Variants in CDH13 observed in about 807,000 individuals in gnomAD.
CDH13 encodes the protein cadherin 13.
CDH13 carries 24 observed loss-of-function variants against 63.8 expected under a neutral mutation model. The observed-to-expected ratio is 0.38, with a 90% CI of 0.27 to 0.53. The LOEUF (loss-of-function observed/expected upper bound fraction) is 0.53. Among genes scored for constraint, CDH13 ranks in the 20% least tolerant of loss-of-function variants. The pLI is 0.85. For synonymous variants in CDH13, 503 were observed against 355.3 expected (o/e 1.42, Z -4.67); for missense variants, 1,049 against 903.1 (o/e 1.16, Z -2.07).
chr16:82,774,563 T>C (rs1049783015), intron 1 of CDH13, among the ~76,000 whole-genome samples: 4 of 152,236 alleles, frequency 2.6e-5, no homozygotes, highest in Non-Finnish European at 5.9e-5. Flanking sequence ...CAAGCATTTA[T>C]TGAAAATTTC....
chr16:83,024,942 C>G (rs1285410778), intron 2 of CDH13, among the ~76,000 whole-genome samples: 4 of 152,210 alleles, frequency 2.6e-5, no homozygotes, highest in African/African-American at 9.6e-5. Flanking sequence ...AGCCCCACCC[C>G]TTTAACCCTA....
intron 3 of CDH13, among the ~76,000 whole-genome samples, chr16:83,078,404 T>C (rs910389807): frequency 3.3e-5 from 5 of 152,202 alleles, no homozygotes; most frequent in African/African-American, 1.2e-4. Flanking sequence ...TGTTAGATTC[T>C]CATAAGGAAC....
At chr16:83,414,790 G>A (rs1192600151) in intron 6 of CDH13, among the ~76,000 whole-genome samples, 1 of 152,090 alleles carries the variant, frequency 6.6e-6, no homozygotes, top group East Asian at 1.9e-4. Flanking sequence ...TTCTATGTAT[G>A]TGTCATATTT....
chr16:82,853,683 A>G (rs973904328), intron 1 of CDH13, among the ~76,000 whole-genome samples: 2 of 152,216 alleles, frequency 1.3e-5, no homozygotes, highest in East Asian at 3.8e-4. Flanking sequence ...TTTAGATAAT[A>G]GAAATCTTTT....
At chr16:82,707,594 A>T (rs1186095946) in intron 1 of CDH13, among the ~76,000 whole-genome samples, 4 of 152,208 alleles carry the variant, frequency 2.6e-5, no homozygotes, top group African/African-American at 9.7e-5. Context: ...CATAGCACTC[A>T]GGGGTGCAGA....
At chr16:83,498,344 C>G (rs2074195945) in intron 7 of CDH13, among the ~76,000 whole-genome samples, 1 of 152,032 alleles carries the variant, frequency 6.6e-6, no homozygotes, top group African/African-American at 2.4e-5. Context: ...CAAAGGAGTC[C>G]CTGAGGTAAA....
chr16:82,755,223 A>G (rs1489271920), intron 1 of CDH13, among the ~76,000 whole-genome samples: 2 of 152,172 alleles, frequency 1.3e-5, no homozygotes, highest in Non-Finnish European at 2.9e-5. Flanking sequence ...TTTTCTCTGC[A>G]GCTTGAGCCT....
intron 1 of CDH13, among the ~76,000 whole-genome samples, chr16:82,647,779 G>T (rs57853211): frequency 6.6e-6 from 1 of 152,136 alleles, no homozygotes; most frequent in Non-Finnish European, 1.5e-5. Flanking sequence ...AGAGACAGGA[G>T]CTTGGGGTTG....
chr16:83,663,189 C>T (rs1014182196), intron 8 of CDH13, among the ~76,000 whole-genome samples: 1 of 152,148 alleles, frequency 6.6e-6, no homozygotes, highest in Admixed American at 6.5e-5. Flanking sequence ...AGGTAATCAG[C>T]TCTGGGTCCA....
chr16:83,636,736 T>C (rs1203475227), intron 8 of CDH13, among the ~76,000 whole-genome samples: 3 of 152,242 alleles, frequency 2.0e-5, no homozygotes, highest in Non-Finnish European at 4.4e-5. Context: ...TGCATGTGTC[T>C]TTTCAGTAGA....
At chr16:82,706,648 A>C (rs2031515984) in intron 1 of CDH13, among the ~76,000 whole-genome samples, 1 of 151,800 alleles carries the variant, frequency 6.6e-6, no homozygotes, top group Admixed American at 6.6e-5. Context: ...TAAAAAAAAA[A>C]AAAACATTAG....
chr16:83,428,498 T>C (rs1164707627), intron 6 of CDH13, among the ~76,000 whole-genome samples: 6 of 152,180 alleles, frequency 3.9e-5, no homozygotes, highest in African/African-American at 1.4e-4. Flanking sequence ...AAAAAGTGCT[T>C]CGTGGCATGG....
At chr16:82,995,872 C>T (rs569237983) in intron 2 of CDH13, among the ~76,000 whole-genome samples, 5 of 152,184 alleles carry the variant, frequency 3.3e-5, no homozygotes, top group Admixed American at 2.0e-4. Context: ...GAATCGATAT[C>T]GTTTAATTAT....
chr16:83,063,590 C>A (rs891138773), intron 3 of CDH13, among the ~76,000 whole-genome samples: 7 of 152,148 alleles, frequency 4.6e-5, no homozygotes, highest in African/African-American at 1.7e-4. Context: ...ACCAGACTTG[C>A]CAATGGTTGT....
At chr16:83,512,400 G>C (rs965835510) in intron 7 of CDH13, among the ~76,000 whole-genome samples, 1 of 149,966 alleles carries the variant, frequency 6.7e-6, no homozygotes, top group Admixed American at 6.7e-5. Context: ...GCTGGGCGTG[G>C]TGGCTCATGC....
intron 10 of CDH13, among the ~76,000 whole-genome samples, chr16:83,728,197 G>A (rs904674201): frequency 2.0e-5 from 3 of 152,124 alleles, no homozygotes; most frequent in Non-Finnish European, 2.9e-5. Flanking sequence ...CTCGACCACA[G>A]GGTTTAAGTC....
intron 3 of CDH13, among the ~76,000 whole-genome samples, chr16:83,063,603 T>A (rs1208875905): frequency 6.6e-6 from 1 of 152,212 alleles, no homozygotes; most frequent in Non-Finnish European, 1.5e-5. Flanking sequence ...ATGGTTGTAA[T>A]AGGGTGTCTG....
intron 10 of CDH13, among the ~76,000 whole-genome samples, chr16:83,747,059 T>C (rs140968804): frequency 2.6e-4 from 40 of 152,314 alleles, no homozygotes; most frequent in African/African-American, 9.1e-4. Flanking sequence ...CACAACCCTC[T>C]ACTTTCTAGT....
intron 5 of CDH13, among the ~76,000 whole-genome samples, chr16:83,334,878 A>G (rs1189920309): frequency 6.6e-6 from 1 of 152,216 alleles, no homozygotes; most frequent in African/African-American, 2.4e-5. Context: ...TAATTGGACC[A>G]TGAGTATATT....
Sources: gnomAD v4.1 joint callset for allele counts (sites outside exome capture counted in the v4.1 genomes callset) on GRCh38, gnomAD v4.1.1 for gene constraint, MANE v1.5 for transcripts, NCBI Gene and HGNC (gene_info 2026-07-23, HGNC 2026-07-21) for gene names.